The following SPAG16 variants were observed in gnomAD, a reference collection of about 807,000 sequenced individuals.
The protein encoded by SPAG16 is sperm-associated antigen 16 protein.
Under a neutral mutation model 80.4 loss-of-function variants are expected in SPAG16, and 86 were observed. That is an observed-to-expected ratio of 1.07 (90% confidence interval 0.90 to 1.28). The LOEUF is 1.28. Among genes scored for constraint, SPAG16 ranks in the 50% most tolerant of loss-of-function variants. SPAG16 has a pLI of 0.00. For missense variants in SPAG16, 870 were observed against 765.3 expected, an observed-to-expected ratio of 1.14 and a Z score of -1.61; for synonymous variants, 294 against 265.9, an observed-to-expected ratio of 1.11 and a Z score of -1.03.
At chr2:213,954,876 A>T (rs770537150) in intron 12 of SPAG16, among the ~76,000 whole-genome samples, 1 of 152,172 alleles carries the variant, frequency 6.6e-6, no homozygotes, top group Non-Finnish European at 1.5e-5. Context: ...GTGAAGTCAT[A>T]AAACATTGTG....
chr2:213,435,857 A>G (rs1461287715), intron 9 of SPAG16, among the ~76,000 whole-genome samples: 1 of 152,230 alleles, frequency 6.6e-6, no homozygotes, highest in Non-Finnish European at 1.5e-5. Context: ...TATATATGCC[A>G]AGGCTGTCTT....
chr2:213,430,003 C>T (rs574629875), intron 9 of SPAG16, among the ~76,000 whole-genome samples: 11 of 152,262 alleles, frequency 7.2e-5, no homozygotes, highest in African/African-American at 2.6e-4. Context: ...AAGAAATACT[C>T]AATATTCCAG....
intron 9 of SPAG16, among the ~76,000 whole-genome samples, chr2:213,398,778 A>G (rs942674494): frequency 2.6e-5 from 4 of 152,158 alleles, no homozygotes; most frequent in African/African-American, 7.2e-5. Flanking sequence ...AACTCATTGT[A>G]TCACTTCCCA....
chr2:213,995,914 C>T (rs1040398727), intron 12 of SPAG16, among the ~76,000 whole-genome samples: 1 of 152,170 alleles, frequency 6.6e-6, no homozygotes, highest in Admixed American at 6.5e-5. Context: ...CAGAGCCTGA[C>T]AAGCATACAT....
At chr2:213,735,051 C>A (rs1159125987) in intron 10 of SPAG16, among the ~76,000 whole-genome samples, 1 of 152,048 alleles carries the variant, frequency 6.6e-6, no homozygotes, top group Admixed American at 6.6e-5. Flanking sequence ...TACTGCAGCC[C>A]TTGAGAAGTC....
intron 6 of SPAG16, 82 bp from the exon 7 acceptor site, chr2:213,350,424 TTTCACAGCAAAAAAGAAAAAGA>T: frequency 1.7e-6 from 1 of 583,034 alleles, no homozygotes; most frequent in Non-Finnish European, 2.9e-6. Flanking sequence ...TTCATTTTTA[TTTCACAGCAAAAAAGAAAAAGA>T]AAAAAAGGTT....
At chr2:213,679,724 A>T (rs1418988948) in intron 10 of SPAG16, among the ~76,000 whole-genome samples, 1 of 152,202 alleles carries the variant, frequency 6.6e-6, no homozygotes, top group Non-Finnish European at 1.5e-5. Context: ...TTAAATTTTT[A>T]AAATGAATTT....
chr2:214,038,273 A>T (rs1245553362), intron 13 of SPAG16, among the ~76,000 whole-genome samples: 1 of 152,134 alleles, frequency 6.6e-6, no homozygotes, highest in African/African-American at 2.4e-5. Flanking sequence ...TTGTTTTAAC[A>T]TGTTTCTGTG....
At chr2:214,131,376 A>T (rs1306856761) in intron 14 of SPAG16, among the ~76,000 whole-genome samples, 9 of 90,644 alleles carry the variant, frequency 9.9e-5, no homozygotes, top group South Asian at 3.2e-4. Flanking sequence ...ACTCAAAATT[A>T]AAAAAAAAAA....
At chr2:213,309,001 G>T (rs1473487895) in intron 3 of SPAG16, among the ~76,000 whole-genome samples, 2 of 152,068 alleles carry the variant, frequency 1.3e-5, no homozygotes, top group African/African-American at 4.8e-5. Flanking sequence ...TATACACCTT[G>T]TACACACAGC....
intron 10 of SPAG16, among the ~76,000 whole-genome samples, chr2:213,802,084 A>G (rs537635114): frequency 6.6e-6 from 1 of 152,270 alleles, no homozygotes; most frequent in Admixed American, 6.5e-5. Flanking sequence ...TTTTGTTTGA[A>G]TTTATTTTCT....
chr2:213,389,613 T>C (rs1293614060), intron 9 of SPAG16, among the ~76,000 whole-genome samples: 2 of 152,130 alleles, frequency 1.3e-5, no homozygotes, highest in African/African-American at 4.8e-5. Context: ...ATTGAAGATA[T>C]ATAAATGGTA....
chr2:213,470,100 G>C (rs2072995662), intron 9 of SPAG16, among the ~76,000 whole-genome samples: 1 of 152,154 alleles, frequency 6.6e-6, no homozygotes, highest in Admixed American at 6.5e-5. Flanking sequence ...GGGAGAAACA[G>C]TACCATATAT....
At chr2:213,856,713 C>T (rs936036326) in intron 10 of SPAG16, among the ~76,000 whole-genome samples, 18 of 152,188 alleles carry the variant, frequency 1.2e-4, no homozygotes. Context: ...TGTATGTTTG[C>T]CCCTGTTAGT....
At chr2:213,923,570 C>G (rs2078321416) in intron 11 of SPAG16, among the ~76,000 whole-genome samples, 1 of 152,196 alleles carries the variant, frequency 6.6e-6, no homozygotes, top group African/African-American at 2.4e-5. Context: ...GCCAGAAACT[C>G]TATCATGTGT....
At chr2:213,454,935 T>C (rs1050237490) in intron 9 of SPAG16, among the ~76,000 whole-genome samples, 3 of 152,244 alleles carry the variant, frequency 2.0e-5, no homozygotes, top group African/African-American at 7.2e-5. Flanking sequence ...AACTGTATCT[T>C]TTTATATTCT....
At chr2:213,817,975 G>A (rs1343267954) in intron 10 of SPAG16, among the ~76,000 whole-genome samples, 6 of 152,132 alleles carry the variant, frequency 3.9e-5, no homozygotes, top group Non-Finnish European at 8.8e-5. Flanking sequence ...TAAAATAAAA[G>A]TTGAAATTAT....
At chr2:213,318,148 C>T (rs1481674910) in intron 5 of SPAG16, among the ~76,000 whole-genome samples, 1 of 151,820 alleles carries the variant, frequency 6.6e-6, no homozygotes, top group Non-Finnish European at 1.5e-5. Context: ...GACTTCAGTC[C>T]AGCAGTTCCA....
intron 1 of SPAG16, among the ~76,000 whole-genome samples, chr2:213,293,291 C>T (rs1172797379): frequency 2.0e-5 from 3 of 152,178 alleles, no homozygotes; most frequent in African/African-American, 7.2e-5. Context: ...ATTACCCAGT[C>T]TTGGGTATTT....
Sources: gnomAD v4.1 joint callset for allele counts (sites outside exome capture counted in the v4.1 genomes callset) on GRCh38, gnomAD v4.1.1 for gene constraint, MANE v1.5 for transcripts, NCBI Gene and HGNC (gene_info 2026-07-23, HGNC 2026-07-21) for gene names.